The following ZNF699 variants were observed in gnomAD, a reference collection of about 807,000 sequenced individuals.
ZNF699 encodes zinc finger protein 699, also known as hangover homolog.
In ZNF699, 18 loss-of-function variants were observed where a neutral mutation model predicts 22.5. That is an observed-to-expected ratio of 0.80 (90% CI 0.55 to 1.19). The LOEUF (loss-of-function observed/expected upper bound fraction) is 1.19. Ranked by LOEUF, ZNF699 falls within the 50% of genes most tolerant of loss-of-function variation. The pLI is 0.00. For missense variants in ZNF699, 670 were observed against 763.4 expected (o/e 0.88, Z 1.44); for synonymous variants, 241 against 262.3 (o/e 0.92, Z 0.78).
Position 9,302,610 on chromosome 19 carries a change from A to G in ZNF699, c.49-106T>C, listed in dbSNP as rs979129465. On this transcript the variant is annotated intron_variant, in intron 2 of 5. Transcript: ENST00000591998. ...GAGGAAATGAGAGTCAATTCATAGGAAGTTCAGAAGATCCCAGCATCTACT... is the reference window on the plus strand; with the variant it reads ...GAGGAAATGAGAGTCAATTCATAGGGAGTTCAGAAGATCCCAGCATCTACT... The G allele has an allele frequency of 4.2e-5, 51 of 1,228,016 alleles. No homozygotes were observed. The African/African-American group carries it at 7.8e-4, about 19-fold the overall frequency. The allele number at this position is 1,228,016 out of a possible 1,614,324, so 76.1% of individuals were successfully genotyped here. A position where few individuals can be genotyped will look rare whatever the true frequency, so the allele number is the denominator to read the frequency against.
chr19:9,301,069 A>C (rs1023384141), intron 3 of ZNF699, among the ~76,000 whole-genome samples: 2 of 151,996 alleles, frequency 1.3e-5, no homozygotes, highest in Non-Finnish European at 2.9e-5. Flanking sequence ...AAATCTCTGT[A>C]CCTTCCACTC....
chr19:9,303,231 A>G (rs577896632), intron 2 of ZNF699, among the ~76,000 whole-genome samples: 31 of 152,206 alleles, frequency 2.0e-4, no homozygotes, highest in African/African-American at 7.2e-4. Flanking sequence ...TTCTGATACT[A>G]TCTACCTGGA....
At chr19:9,302,286 C>A in intron 3 of ZNF699, 92 bp downstream of exon 3, 2 of 1,471,452 alleles carry the variant, frequency 1.4e-6, no homozygotes, top group Non-Finnish European at 1.9e-6. Context: ...CAATGTCTTC[C>A]CATTCCTCAG....
intron 2 of ZNF699, among the ~76,000 whole-genome samples, chr19:9,303,908 C>A (rs1314769383): frequency 6.6e-6 from 1 of 151,824 alleles, no homozygotes; most frequent in Non-Finnish European, 1.5e-5. Context: ...ACCTCCACCT[C>A]CCTGGTTCAA....
At chr19:9,301,767 C>T (rs1041133281) in intron 3 of ZNF699, among the ~76,000 whole-genome samples, 1 of 152,140 alleles carries the variant, frequency 6.6e-6, no homozygotes, top group African/African-American at 2.4e-5. Context: ...TCAAAATGTT[C>T]AAACTACAAA....
At chr19:9,304,397 C>CCCT (rs1555724590) in intron 2 of ZNF699, among the ~76,000 whole-genome samples, 1 of 151,252 alleles carries the variant, frequency 6.6e-6, no homozygotes, top group Admixed American at 6.6e-5. Context: ...TTTTTTTCCC[C>CCCT]CTCACAAAAC....
rs10775620 is a variant in ZNF699, at chr19:9,309,689, T to C, written c.-345A>G. On this transcript the variant is annotated 5_prime_UTR_variant, in exon 1 of 6. Transcript: ENST00000591998. The stretch of plus-strand genomic sequence containing the variant: ...GGGAGGCAGCCCTTAGACCGCCGAT[T>C]CCCAAACCCAGCCCTCGGTCTCCCG... The C allele has an allele frequency of 1, 151,943 of 152,402 alleles. 75,744 individuals are homozygous for C. The highest frequency in any genetic ancestry group is 1 in the East Asian group (5,130 of 5,132). The allele number at this position is 152,402 out of a possible 1,614,324, so 9.4% of individuals were successfully genotyped here. A position where few individuals can be genotyped will look rare whatever the true frequency, so the allele number is the denominator to read the frequency against.
chr19:9,296,050 A>C lies in ZNF699; in HGVS notation c.1354T>G (p.Cys452Gly), dbSNP rs2066284652. The C allele has an allele frequency of 2.5e-6, 4 of 1,614,140 alleles. No homozygotes were observed. Among genetic ancestry groups the C allele is most frequent in the Non-Finnish European group, 3.4e-6 (4 of 1,180,026 alleles). The change falls in exon 6 of 6, where the codon TGT (cysteine) becomes GGT (glycine). Residue 452 changes from cysteine (C) to glycine (G), a missense_variant. Transcript: ENST00000591998. ...SREKPYECKECGKAFSCPSSF... is the reference protein window; with the variant it reads ...SREKPYECKEGGKAFSCPSSF... ...GAGGGACAACTAAAGGCCTTCCCAC[A>C]TTCCTTACATTCATAGGGTTTCTCT...
At position 9,296,158 on chromosome 19, in the gene ZNF699, C is replaced by G. The variant is rs1347401955; in HGVS notation, c.1246G>C (p.Glu416Gln). The G allele has an allele frequency of 6.2e-7, 1 of 1,613,696 alleles. No homozygotes were observed. The highest frequency in any genetic ancestry group is 8.5e-7 in the Non-Finnish European group (1 of 1,179,968). ...CATTCCAGACATTCATACGGTTTTT[C>G]TCCAGTGTGTTTTCTCATATGGATA... is the stretch of plus-strand genomic sequence containing the variant. Reference protein sequence around the residue: ...LSIHMRKHTGEKPYECLECGK... With the variant: ...LSIHMRKHTGQKPYECLECGK... Residue 416 changes from glutamate to glutamine, a missense_variant, in exon 6 of 6, where the codon GAA becomes CAA. Glu to Gln is a conservative substitution (Grantham distance 29). Transcript: ENST00000591998.
At chr19:9,307,389 A>G (rs983569280) in intron 1 of ZNF699, among the ~76,000 whole-genome samples, 3 of 152,184 alleles carry the variant, frequency 2.0e-5, no homozygotes, top group Non-Finnish European at 4.4e-5. Flanking sequence ...ATAAAAAAGA[A>G]AAATCCTGAA....
chr19:9,302,696 A>T (rs1402484112), intron 2 of ZNF699, among the ~76,000 whole-genome samples, 192 bp from the exon 3 acceptor site: 4 of 152,174 alleles, frequency 2.6e-5, no homozygotes, highest in Non-Finnish European at 5.9e-5. Context: ...TCACTGATCA[A>T]ATCCTGGCTT....
Position 9,299,422 on chromosome 19 carries a change from C to T in ZNF699, c.176-1432G>A, listed in dbSNP as rs191689216. On this transcript the variant is annotated intron_variant, in intron 3 of 5. Transcript: ENST00000591998. The stretch of plus-strand genomic sequence containing the variant: ...GTGCTGGGATTACAGGCGTCAGCCA[C>T]CATGCCTGGCCTGACATTTTTAATT... Among the ~76,000 whole-genome samples the T allele has an allele frequency of 2.1e-3, 313 of 152,328 alleles. 4 individuals carry two copies. Among genetic ancestry groups the T allele is most frequent in the African/African-American group, 7.3e-3 (303 of 41,564 alleles).
In ZNF699 at chr19:9,294,628, C is replaced by T. The variant is rs1340408753; in HGVS notation, c.*847G>A. ...AAACTCTTATTTTAGACAAGTCTAA[C>T]CTAGAACTGGAGAAAAAAGTGATTC... On this transcript the variant is annotated 3_prime_UTR_variant, in exon 6 of 6. Transcript: ENST00000591998. 1 of 152,094 alleles carries T rather than the reference C, an allele frequency of 6.6e-6. No homozygotes were observed. The highest frequency in any genetic ancestry group is 1.5e-5 in the Non-Finnish European group (1 of 68,014). 9.4% of individuals were successfully genotyped at this position (152,094 alleles called of 1,614,324 possible).
At position 9,297,843 on chromosome 19, in the gene ZNF699, T is replaced by G; in HGVS notation, c.286+37A>C. 6.6e-7 allele frequency: 1 copy of G among 1,509,690 alleles called. No individual in the cohort carries two copies. Among genetic ancestry groups the G allele is most frequent in the Non-Finnish European group, 9.2e-7 (1 of 1,092,056 alleles). The allele number at this position is 1,509,690 out of a possible 1,614,324, so 93.5% of individuals were successfully genotyped here. A position where few individuals can be genotyped will look rare whatever the true frequency, so the allele number is the denominator to read the frequency against. On this transcript the variant is annotated intron_variant, in intron 4 of 5. Transcript: ENST00000591998. The surrounding 1 kb of genome is among the most constrained non-coding windows in gnomAD (Gnocchi z 4.3). The stretch of plus-strand genomic sequence containing the variant: ...TGTTTTTTACTTTAAGTTTATTTTT[T>G]CCCCCAACCAAAACAGTTTCTCCCA...
chr19:9,293,333 T>G lies in ZNF699; in HGVS notation c.*2142A>C, dbSNP rs2066273083. On this transcript the variant is annotated 3_prime_UTR_variant, in exon 6 of 6. Coordinates refer to ENST00000591998, the MANE Select transcript of ZNF699 (RefSeq NM_198535.3). ...GTGAAACAACTGGAACTTTCATGCA[T>G]TGTTTTGGGGATTATTCGTGGAATC... Among the ~76,000 whole-genome samples the G allele has an allele frequency of 6.6e-6, 1 of 152,210 alleles. No individual in the cohort carries two copies. Among genetic ancestry groups the G allele is most frequent in the Admixed American group, 6.5e-5 (1 of 15,282 alleles).
At chr19:9,302,580 A>G in intron 2 of ZNF699, 76 bp from the exon 3 acceptor site, 4 of 1,465,236 alleles carry the variant, frequency 2.7e-6, no homozygotes, top group South Asian at 1.4e-5. Context: ...GAGGCTCACA[A>G]CATCGAGGAA....
Position 9,309,822 on chromosome 19 carries a change from T to G in ZNF699, c.-478A>C, listed in dbSNP as rs1477938287. ...GGGCGGAGGCGTAGGGTGACAAGGC[T>G]GTCGACTCGCGCATGCGCAGAAGCA... On this transcript the variant is annotated 5_prime_UTR_variant, in exon 1 of 6. Transcript: ENST00000591998. 1 of 152,508 alleles carries G rather than the reference T, an allele frequency of 6.6e-6. No homozygotes were observed. The highest frequency in any genetic ancestry group is 6.5e-5 in the Admixed American group (1 of 15,286). 9.4% of individuals were successfully genotyped at this position (152,508 alleles called of 1,614,324 possible). A position where few individuals can be genotyped will look rare whatever the true frequency, so the allele number is the denominator to read the frequency against.
intron 2 of ZNF699, 128 bp from the exon 3 acceptor site, chr19:9,302,632 T>C: frequency 4.4e-6 from 4 of 917,900 alleles, no homozygotes; most frequent in Non-Finnish European, 4.9e-6. Flanking sequence ...TCCCAGCATC[T>C]ACTCTAGGGC....
At chr19:9,306,767 A>G (rs886339268) in intron 1 of ZNF699, among the ~76,000 whole-genome samples, 3 of 152,194 alleles carry the variant, frequency 2.0e-5, no homozygotes, top group Admixed American at 1.3e-4. Context: ...ATTTGTCTTC[A>G]AAACCCAAAC....
Sources: allele counts gnomAD v4.1 joint callset (sites outside exome capture counted in the v4.1 genomes callset), GRCh38; gene constraint gnomAD v4.1.1; non-coding constraint Gnocchi (gnomAD v3.1); transcripts MANE v1.5; gene names NCBI Gene and HGNC (gene_info 2026-07-23, HGNC 2026-07-21).